SPATA17: variants seen among roughly 807,000 people sequenced by gnomAD.
The protein encoded by SPATA17 is spermatogenesis associated 17.
SPATA17 carries 53 observed loss-of-function variants against 62.2 expected under a neutral mutation model. The observed-to-expected ratio is 0.85, with a 90% CI of 0.68 to 1.07. The LOEUF (loss-of-function observed/expected upper bound fraction) is 1.07, where lower values mean the gene tolerates loss of function less well. SPATA17 is among the 50% of genes least tolerant of loss of function. The pLI, the probability that SPATA17 is intolerant of heterozygous loss-of-function variation, is 0.00. For missense variants in SPATA17, 466 were observed against 425.5 expected, an observed-to-expected ratio of 1.10 and a Z score of -0.84; for synonymous variants, 146 against 146.8, an observed-to-expected ratio of 0.99 and a Z score of 0.04.
At chr1:217,662,779 T>C (rs1670598592) in intron 3 of SPATA17, among the ~76,000 whole-genome samples, 1 of 152,194 alleles carries the variant, frequency 6.6e-6, no homozygotes. Flanking sequence ...CAGATGTTTT[T>C]ATTTCTCTTC....
Position 217,869,349 on chromosome 1 carries a change from G to A in SPATA17, c.*2330G>A, listed in dbSNP as rs1310092273. On this transcript the variant is annotated 3_prime_UTR_variant, in exon 11 of 11. Coordinates refer to ENST00000366933, the MANE Select transcript of SPATA17 (RefSeq NM_138796.4). ...ACCTGGATTAAAATAAGGGGACCAA[G>A]GTTCTCATGCAGATGAAGCCTCCAG... 6.6e-6 allele frequency: 1 copy of A among 152,150 alleles called. No homozygotes were observed. The allele number at this position is 152,150 out of a possible 1,614,324, so 9.4% of individuals were successfully genotyped here.
At chr1:217,672,918 A>G (rs1212702323) in intron 4 of SPATA17, among the ~76,000 whole-genome samples, 1 of 152,060 alleles carries the variant, frequency 6.6e-6, no homozygotes, top group East Asian at 1.9e-4. Context: ...CCCAGATCCT[A>G]TCTTCATCTT....
chr1:217,724,416 C>T (rs1343155835), intron 5 of SPATA17, among the ~76,000 whole-genome samples: 3 of 151,832 alleles, frequency 2.0e-5, no homozygotes, highest in Non-Finnish European at 4.4e-5. Context: ...GGTGAAACCC[C>T]GTCTCTACTA....
At chr1:217,732,140 CA>C (rs1672417406) in intron 5 of SPATA17, among the ~76,000 whole-genome samples, 1 of 147,802 alleles carries the variant, frequency 6.8e-6, no homozygotes, top group South Asian at 2.1e-4. Context: ...GTTTCTTATC[CA>C]ACAATAAATG....
intron 6 of SPATA17, among the ~76,000 whole-genome samples, chr1:217,749,167 C>T (rs936598933): frequency 6.6e-6 from 1 of 152,108 alleles, no homozygotes; most frequent in Non-Finnish European, 1.5e-5. Flanking sequence ...CCTGTAATGA[C>T]TTTCTGGAGC....
intron 4 of SPATA17, among the ~76,000 whole-genome samples, 179 bp downstream of exon 4, chr1:217,669,262 G>A (rs1286325869): frequency 6.6e-6 from 1 of 152,126 alleles, no homozygotes; most frequent in African/African-American, 2.4e-5. Context: ...TTAAAAATTA[G>A]AGTAAAATGT....
At position 217,869,346 on chromosome 1, in the gene SPATA17, C is replaced by T. The variant is rs577493073; in HGVS notation, c.*2327C>T. On this transcript the variant is annotated 3_prime_UTR_variant, in exon 11 of 11. Coordinates refer to ENST00000366933, the MANE Select transcript of SPATA17 (RefSeq NM_138796.4). Reference sequence around the variant, plus strand: ...TTTACCTGGATTAAAATAAGGGGACCAAGGTTCTCATGCAGATGAAGCCTC... The same window carrying T: ...TTTACCTGGATTAAAATAAGGGGACTAAGGTTCTCATGCAGATGAAGCCTC... The T allele has an allele frequency of 6.6e-6, 1 of 152,026 alleles. No individual in the cohort carries two copies. Among genetic ancestry groups the T allele is most frequent in the Admixed American group, 6.6e-5 (1 of 15,242 alleles). 9.4% of individuals were successfully genotyped at this position (152,026 alleles called of 1,614,324 possible).
intron 9 of SPATA17, among the ~76,000 whole-genome samples, chr1:217,862,029 G>T (rs1462408599): frequency 6.6e-6 from 1 of 151,380 alleles, no homozygotes; most frequent in African/African-American, 2.4e-5. Flanking sequence ...ATAAAGAGCT[G>T]CACTCAGGGC....
intron 5 of SPATA17, among the ~76,000 whole-genome samples, chr1:217,685,394 A>C (rs1396348086): frequency 1.3e-5 from 2 of 152,126 alleles, no homozygotes; most frequent in African/African-American, 2.4e-5. Context: ...TTTCCTCCTG[A>C]TTTTAATAGG....
intron 3 of SPATA17, among the ~76,000 whole-genome samples, chr1:217,666,522 ATG>A (rs1385902537): frequency 2.0e-5 from 3 of 151,890 alleles, no homozygotes; most frequent in Non-Finnish European, 4.4e-5. Context: ...TCACATTTAC[ATG>A]TGTTTTTTTT....
intron 9 of SPATA17, among the ~76,000 whole-genome samples, chr1:217,829,206 G>C (rs1239959680): frequency 6.6e-6 from 1 of 151,860 alleles, no homozygotes; most frequent in Non-Finnish European, 1.5e-5. Flanking sequence ...TTCATCAAAG[G>C]ATGAATAGAT....
intron 4 of SPATA17, among the ~76,000 whole-genome samples, chr1:217,670,647 AG>A (rs1387302186): frequency 2.0e-5 from 3 of 152,158 alleles, no homozygotes; most frequent in Non-Finnish European, 4.4e-5. Flanking sequence ...AAAACAACAA[AG>A]GTTAAGAAAT....
Position 217,663,032 on chromosome 1 carries a change from A to T in SPATA17, c.241-6001A>T, listed in dbSNP as rs534071031. ...AACTTTAACAACACATTTTTATCAT[A>T]ATTATAATATAAGTTTAGATTTGGT... On this transcript the variant is annotated intron_variant, in intron 3 of 10. Coordinates refer to ENST00000366933, the MANE Select transcript of SPATA17 (RefSeq NM_138796.4). 1.1e-4 allele frequency among the ~76,000 whole-genome samples: 16 copies of T among 152,324 alleles called. No individual in the cohort carries two copies. The East Asian group carries it at 2.5e-3, about 24-fold the overall frequency.
intron 8 of SPATA17, among the ~76,000 whole-genome samples, chr1:217,785,910 T>C (rs910053270): frequency 5.9e-5 from 9 of 152,170 alleles, no homozygotes; most frequent in African/African-American, 2.2e-4. Flanking sequence ...TTCTTTGTTC[T>C]TGTTTTTAAA....
At chr1:217,646,264 G>GT (rs2102880526) in intron 1 of SPATA17, among the ~76,000 whole-genome samples, 1 of 152,134 alleles carries the variant, frequency 6.6e-6, no homozygotes, top group East Asian at 1.9e-4. Flanking sequence ...GTTTTGTGAG[G>GT]TTTTTACTTA....
intron 9 of SPATA17, among the ~76,000 whole-genome samples, chr1:217,833,729 G>T (rs1675198548): frequency 6.6e-6 from 1 of 152,166 alleles, no homozygotes; most frequent in Non-Finnish European, 1.5e-5. Context: ...TTAATAGATA[G>T]ATTTTGACAT....
intron 5 of SPATA17, among the ~76,000 whole-genome samples, chr1:217,735,969 G>A (rs919826255): frequency 2.0e-5 from 3 of 151,376 alleles, no homozygotes; most frequent in African/African-American, 4.8e-5. Context: ...TTAGGATTAT[G>A]AGTTTAGATT....
intron 5 of SPATA17, among the ~76,000 whole-genome samples, chr1:217,688,381 C>T (rs1671271663): frequency 6.6e-6 from 1 of 152,192 alleles, no homozygotes; most frequent in African/African-American, 2.4e-5. Context: ...CTTGCCTGGA[C>T]TCTTAATTAA....
chr1:217,649,214 C>A (rs981997166), intron 2 of SPATA17, among the ~76,000 whole-genome samples: 2 of 152,122 alleles, frequency 1.3e-5, no homozygotes, highest in African/African-American at 4.8e-5. Flanking sequence ...CGCAGTGGCT[C>A]ACTCCTGTAA....
Sources: allele counts gnomAD v4.1 joint callset (sites outside exome capture counted in the v4.1 genomes callset), GRCh38; gene constraint gnomAD v4.1.1; transcripts MANE v1.5; gene names NCBI Gene and HGNC (gene_info 2026-07-23, HGNC 2026-07-21).